The following CPAMD8 variants were observed in gnomAD, a reference collection of about 807,000 sequenced individuals.
CPAMD8 encodes C3 and PZP like alpha-2-macroglobulin domain containing 8.
CPAMD8 carries 146 observed loss-of-function variants against 224.7 expected under a neutral mutation model. That is an observed-to-expected ratio of 0.65 (90% CI 0.57 to 0.75). CPAMD8 has a LOEUF of 0.75. Among genes scored for constraint, CPAMD8 ranks in the 30% least tolerant of loss-of-function variants. The pLI is 0.00. For synonymous variants in CPAMD8, 966 were observed against 1,044.6 expected (o/e 0.92, Z 1.45); for missense variants, 2,301 against 2,537.5 (o/e 0.91, Z 2.00).
rs571541110 is a variant in CPAMD8, at chr19:16,957,901, T to C, written c.2228A>G (p.Lys743Arg). ...CCATGTTTCGGGGAAGAAAGTCCTT[T>C]TTCTCTTCTCTGTTCTATGAAAAGA... ...SRHPPRTEKR[K>R]RTFFPETWIW... The change falls in exon 19 of 42, where the codon AAA becomes AGA. Residue 743 changes from lysine (K) to arginine (R), a missense_variant. By Grantham distance (26) the Lys-to-Arg change is conservative (BLOSUM62 2). This residue lies in a region of CPAMD8 where 1,709 missense variants were observed against 1,753.2 expected (regional missense o/e 0.97). Coordinates refer to ENST00000443236, the MANE Select transcript of CPAMD8 (RefSeq NM_015692.5). The C allele has an allele frequency of 6.2e-7, 1 of 1,614,120 alleles. No individual in the cohort carries two copies. Among genetic ancestry groups the C allele is most frequent in the Non-Finnish European group, 8.5e-7 (1 of 1,179,958 alleles).
At chr19:16,910,987 C>G (rs1407102247) in intron 29 of CPAMD8, among the ~76,000 whole-genome samples, 1 of 152,196 alleles carries the variant, frequency 6.6e-6, no homozygotes, top group Non-Finnish European at 1.5e-5. Flanking sequence ...CACTTCTGGT[C>G]TCCAAAGCAA....
chr19:16,954,955 C>T (rs565636975), intron 19 of CPAMD8, among the ~76,000 whole-genome samples: 12 of 152,322 alleles, frequency 7.9e-5, no homozygotes, highest in Non-Finnish European at 1.3e-4. Context: ...GGTGAAACCC[C>T]GTCTCTACTA....
chr19:16,926,040 C>T (rs2053347325), intron 25 of CPAMD8, among the ~76,000 whole-genome samples: 1 of 152,104 alleles, frequency 6.6e-6, no homozygotes, highest in Non-Finnish European at 1.5e-5. Context: ...GAATTACAGG[C>T]GTGATCCACT....
At chr19:17,022,383 G>A (rs1599938589) in intron 1 of CPAMD8, among the ~76,000 whole-genome samples, 1 of 152,150 alleles carries the variant, frequency 6.6e-6, no homozygotes, top group South Asian at 2.1e-4. Flanking sequence ...AAGTCCCCAT[G>A]CTGGGTAAGA....
At chr19:16,991,776 A>C (rs2055959991) in intron 12 of CPAMD8, among the ~76,000 whole-genome samples, 1 of 151,052 alleles carries the variant, frequency 6.6e-6, no homozygotes, top group South Asian at 2.1e-4. Context: ...AATCGCTTGA[A>C]CCTGGGAGGC....
At chr19:17,013,460 G>T (rs1470900002) in intron 3 of CPAMD8, 1 of 150,878 alleles carries the variant, frequency 6.6e-6, no homozygotes, top group African/African-American at 2.5e-5. Context: ...GCCATGAGCT[G>T]AGATCACACC....
chr19:16,969,397 A>G (rs1462484505), intron 18 of CPAMD8, among the ~76,000 whole-genome samples: 1 of 152,162 alleles, frequency 6.6e-6, no homozygotes, highest in Non-Finnish European at 1.5e-5. Context: ...TCAACACTCT[A>G]CAGTGCAGAG....
chr19:16,970,054 G>A (rs2054999223), intron 18 of CPAMD8, among the ~76,000 whole-genome samples: 1 of 148,652 alleles, frequency 6.7e-6, no homozygotes, highest in Non-Finnish European at 1.5e-5. Flanking sequence ...CTAACACAGT[G>A]AAACCCCGTC....
intron 3 of CPAMD8, among the ~76,000 whole-genome samples, chr19:17,019,805 G>C (rs2056904733): frequency 6.6e-6 from 1 of 151,682 alleles, no homozygotes; most frequent in Non-Finnish European, 1.5e-5. Flanking sequence ...CTGGGCTCCA[G>C]AGATCAACCC....
chr19:16,982,189 T>C (rs7254798), intron 13 of CPAMD8, among the ~76,000 whole-genome samples: 8,657 of 151,784 alleles, frequency 0.057, 485 homozygotes, highest in African/African-American at 0.15. Context: ...AGTCTAGGAG[T>C]TCAAGACCCG....
intron 29 of CPAMD8, among the ~76,000 whole-genome samples, chr19:16,913,962 C>A (rs1377672324): frequency 6.6e-6 from 1 of 152,160 alleles, no homozygotes; most frequent in Non-Finnish European, 1.5e-5. Context: ...GACTATGGCC[C>A]TCAAGTCTCT....
At chr19:17,020,917 A>G (rs1318954383) in intron 2 of CPAMD8, among the ~76,000 whole-genome samples, 2 of 152,024 alleles carry the variant, frequency 1.3e-5, no homozygotes, top group African/African-American at 4.8e-5. Flanking sequence ...TCTGCCCAGC[A>G]CACAACGCAC....
chr19:16,989,251 G>A (rs1309714942), intron 13 of CPAMD8, among the ~76,000 whole-genome samples: 1 of 152,034 alleles, frequency 6.6e-6, no homozygotes, highest in African/African-American at 2.4e-5. Context: ...CCAATCCTTG[G>A]TGCCAAAAAG....
intron 18 of CPAMD8, among the ~76,000 whole-genome samples, chr19:16,967,891 ATGTGTGTGTATATATGTG>A (rs2054897032): frequency 1.2e-4 from 3 of 25,848 alleles, no homozygotes; most frequent in African/African-American, 1.8e-4. Flanking sequence ...ATACACACAC[ATGTGTGTGTATATATGTG>A]CATATATACA....
Position 17,021,388 on chromosome 19 carries a change from G to C in CPAMD8, c.244+642C>G, listed in dbSNP as rs150352432. On this transcript the variant is annotated intron_variant, in intron 2 of 41. Transcript: ENST00000443236. ...AGCTTCCACATTTCCACCTTCTCTGGCCACACCTCCCTAAGAGACAAGTGC... is the reference window on the plus strand; with the variant it reads ...AGCTTCCACATTTCCACCTTCTCTGCCCACACCTCCCTAAGAGACAAGTGC... Among the ~76,000 whole-genome samples, 1,319 of 152,204 alleles carry C rather than the reference G, an allele frequency of 8.7e-3. 11 individuals carry two copies. The highest frequency in any genetic ancestry group is 0.02 in the Middle Eastern group (6 of 294).
In CPAMD8 at chr19:16,893,152, CA is replaced by C; in HGVS notation, c.5613del (p.Glu1873ArgfsTer12). 6.3e-7 allele frequency: 1 copy of C among 1,578,052 alleles called. No homozygotes were observed. On this transcript the variant is annotated frameshift_variant, in exon 42 of 42. Coordinates refer to ENST00000443236, the MANE Select transcript of CPAMD8 (RefSeq NM_015692.5). LOFTEE classifies it high-confidence loss of function. ...VFVYSPAFQS[G>X]GEEGLWMSNT... ...TTTGACATCCATAAACCCTCCTCCCCACCACTCTGAAAGGCTGGGCTGTAGA... is the reference window on the plus strand; with the variant it reads ...TTTGACATCCATAAACCCTCCTCCCCCCACTCTGAAAGGCTGGGCTGTAGA...
intron 29 of CPAMD8, chr19:16,910,456 C>T (rs1203548457): frequency 2.2e-5 from 3 of 139,476 alleles, no homozygotes; most frequent in African/African-American, 8.0e-5. Context: ...AGGCAGGAGC[C>T]ACTGGGCCCG....
At position 16,992,533 on chromosome 19, in the gene CPAMD8, C is replaced by T. The variant is rs1378877207; in HGVS notation, c.1266+883G>A. ...GTGGCGCAATCTTGGCTCGCTGCGA[C>T]TTCCACCTCCCGGGTTCAAGCAATT... On this transcript the variant is annotated intron_variant, in intron 12 of 41. Transcript: ENST00000443236. 3.3e-5 allele frequency among the ~76,000 whole-genome samples: 5 copies of T among 152,140 alleles called. No homozygotes were observed. The East Asian group carries it at 9.7e-4, about 29-fold the overall frequency.
At chr19:17,017,480 G>A (rs374450590) in intron 3 of CPAMD8, among the ~76,000 whole-genome samples, 3 of 152,240 alleles carry the variant, frequency 2.0e-5, no homozygotes, top group Non-Finnish European at 4.4e-5. Context: ...GCTGCTCTAG[G>A]GTTTTGGTTC....
Sources: gnomAD v4.1 joint callset for allele counts (sites outside exome capture counted in the v4.1 genomes callset) on GRCh38, gnomAD v4.1.1 for gene constraint, gnomAD v4.1.1 regional missense constraint, MANE v1.5 for transcripts, NCBI Gene and HGNC (gene_info 2026-07-23, HGNC 2026-07-21) for gene names.